FYN: variants seen among roughly 807,000 people sequenced by gnomAD.
FYN encodes tyrosine-protein kinase Fyn.
A neutral mutation model predicts 70.2 loss-of-function variants in FYN; 10 were observed. The observed-to-expected ratio is 0.14, with a 90% CI of 0.09 to 0.24. The LOEUF is 0.24. Among genes scored for constraint, FYN ranks in the 10% least tolerant of loss-of-function variants. The pLI is 1.00. For missense variants in FYN, 319 were observed against 673.1 expected (o/e 0.47, Z 5.82); for synonymous variants, 236 against 248.6 (o/e 0.95, Z 0.48).
intron 2 of FYN, among the ~76,000 whole-genome samples, chr6:111,806,480 C>T (rs535120770): frequency 5.3e-5 from 8 of 152,316 alleles, no homozygotes; most frequent in African/African-American, 1.2e-4. Flanking sequence ...TGCCCACAAC[C>T]CATCAGCTAA....
intron 3 of FYN, among the ~76,000 whole-genome samples, chr6:111,751,773 A>G (rs1246844847): frequency 6.6e-6 from 1 of 152,000 alleles, no homozygotes; most frequent in Non-Finnish European, 1.5e-5. Flanking sequence ...GTTGTGCACC[A>G]CCACATGTAA....
chr6:111,727,187 A>G (rs1217950341), intron 3 of FYN, among the ~76,000 whole-genome samples: 1 of 152,114 alleles, frequency 6.6e-6, no homozygotes, highest in African/African-American at 2.4e-5. Flanking sequence ...GAGATGCTGG[A>G]CCATACTAGG....
intron 2 of FYN, among the ~76,000 whole-genome samples, chr6:111,801,933 T>G (rs1401672307): frequency 6.6e-6 from 1 of 152,212 alleles, no homozygotes; most frequent in Non-Finnish European, 1.5e-5. Flanking sequence ...AGACACTGGA[T>G]AGATGACAAT....
chr6:111,821,365 C>A (rs1027628221), intron 2 of FYN, among the ~76,000 whole-genome samples: 1 of 152,024 alleles, frequency 6.6e-6, no homozygotes. Flanking sequence ...ACAAACCTGA[C>A]AAAAACAAGA....
At chr6:111,713,278 C>A (rs1175332591) in intron 5 of FYN, among the ~76,000 whole-genome samples, 1 of 152,184 alleles carries the variant, frequency 6.6e-6, no homozygotes, top group East Asian at 1.9e-4. Context: ...ATCAGCACTC[C>A]TCTTTCCTGG....
rs111843602 is a variant in FYN, at chr6:111,697,258, TG to T, written c.863-803del. 3.6e-3 allele frequency among the ~76,000 whole-genome samples: 555 copies of T among 152,342 alleles called. 7 individuals carry two copies. The highest frequency in any genetic ancestry group is 0.012 in the African/African-American group (512 of 41,576). ...CATCTGTAAAATATAGGAATGGAAC[TG>T]GATTATCTTTTGGGTCTCTTTCAGC... On this transcript the variant is annotated intron_variant, in intron 9 of 13. Transcript: ENST00000354650.
At chr6:111,869,920 G>A (rs1044278178) in intron 1 of FYN, among the ~76,000 whole-genome samples, 1 of 152,208 alleles carries the variant, frequency 6.6e-6, no homozygotes, top group Non-Finnish European at 1.5e-5. Flanking sequence ...ACATGCTTAG[G>A]ATGAAAAGAT....
intron 2 of FYN, among the ~76,000 whole-genome samples, chr6:111,839,762 G>A (rs1773298675): frequency 1.3e-5 from 2 of 152,188 alleles, no homozygotes; most frequent in South Asian, 2.1e-4. Flanking sequence ...TTCAGGTACT[G>A]AAGGGCTCTC....
chr6:111,751,757 A>G (rs899674112), intron 3 of FYN, among the ~76,000 whole-genome samples: 1 of 151,988 alleles, frequency 6.6e-6, no homozygotes, highest in East Asian at 1.9e-4. Flanking sequence ...AGTACCTGGG[A>G]CTACAGTTGT....
chr6:111,731,120 G>A (rs746696424), intron 3 of FYN, among the ~76,000 whole-genome samples: 15 of 152,224 alleles, frequency 9.9e-5, no homozygotes, highest in Non-Finnish European at 1.5e-4. Flanking sequence ...AATGAAAGCC[G>A]AGGAGGTTCA....
chr6:111,666,051 G>T (rs1428230929), intron 13 of FYN, among the ~76,000 whole-genome samples: 3 of 139,624 alleles, frequency 2.1e-5, no homozygotes, highest in Non-Finnish European at 3.1e-5. Context: ...GCCCAGGCTG[G>T]AGTGCAGTGG....
chr6:111,795,022 G>A (rs527830110), intron 2 of FYN, among the ~76,000 whole-genome samples: 7 of 152,264 alleles, frequency 4.6e-5, no homozygotes, highest in Admixed American at 1.3e-4. Flanking sequence ...CTGTGGTCCC[G>A]AGTCAATTCA....
At chr6:111,778,991 A>AC (rs1165744423) in intron 3 of FYN, among the ~76,000 whole-genome samples, 9 of 151,408 alleles carry the variant, frequency 5.9e-5, no homozygotes, top group African/African-American at 2.2e-4. Context: ...ACAACTATAT[A>AC]CCCCCTCCTC....
intron 3 of FYN, among the ~76,000 whole-genome samples, chr6:111,764,992 A>C (rs903418756): frequency 7.5e-6 from 1 of 132,704 alleles, no homozygotes; most frequent in African/African-American, 2.9e-5. Context: ...GTGGGGCCGA[A>C]GCAGCGTCTT....
chr6:111,783,148 A>T (rs189000902), intron 2 of FYN, among the ~76,000 whole-genome samples: 1 of 152,358 alleles, frequency 6.6e-6, no homozygotes, highest in African/African-American at 2.4e-5. Context: ...TGTCAAGCAC[A>T]ACAAAATAAC....
At chr6:111,749,384 T>G (rs1802387554) in intron 3 of FYN, among the ~76,000 whole-genome samples, 1 of 152,234 alleles carries the variant, frequency 6.6e-6, no homozygotes, top group Non-Finnish European at 1.5e-5. Flanking sequence ...TTGCTCTATG[T>G]ACCCCAATGA....
At chr6:111,816,549 C>T (rs1245871927) in intron 2 of FYN, among the ~76,000 whole-genome samples, 1 of 152,084 alleles carries the variant, frequency 6.6e-6, no homozygotes, top group African/African-American at 2.4e-5. Flanking sequence ...AAGGAGGTCA[C>T]AATTTCTTAG....
chr6:111,851,357 T>C (rs1773681146), intron 1 of FYN, among the ~76,000 whole-genome samples: 1 of 152,252 alleles, frequency 6.6e-6, no homozygotes, highest in South Asian at 2.1e-4. Flanking sequence ...ACCCCTGTTA[T>C]GATACTGAAG....
intron 3 of FYN, among the ~76,000 whole-genome samples, chr6:111,732,333 C>A (rs890420402): frequency 1.4e-4 from 22 of 152,202 alleles, no homozygotes; most frequent in African/African-American, 4.8e-4. Flanking sequence ...ACCTTAAGTT[C>A]ACTCCTTAAA....
Sources: gnomAD v4.1 joint callset for allele counts (sites outside exome capture counted in the v4.1 genomes callset) on GRCh38, gnomAD v4.1.1 for gene constraint, MANE v1.5 for transcripts, NCBI Gene and HGNC (gene_info 2026-07-23, HGNC 2026-07-21) for gene names.